CCDC83: variants seen among roughly 807,000 people sequenced by gnomAD.
CCDC83 encodes the protein coiled-coil domain containing 83.
A neutral mutation model predicts 50.1 loss-of-function variants in CCDC83; 54 were observed. The ratio of observed to expected loss-of-function variants is 1.08; its 90% CI spans 0.87 to 1.35. The LOEUF (loss-of-function observed/expected upper bound fraction) is 1.35, where lower values mean the gene tolerates loss of function less well. CCDC83 is among the 40% of genes most tolerant of loss of function. CCDC83 has a pLI of 0.00. For missense variants in CCDC83, 518 were observed against 473.9 expected (o/e 1.09, Z -0.86); for synonymous variants, 161 against 153.3 (o/e 1.05, Z -0.37).
chr11:85,901,043 C>T (rs553269430), intron 7 of CCDC83, among the ~76,000 whole-genome samples: 92 of 146,960 alleles, frequency 6.3e-4, no homozygotes, highest in Non-Finnish European at 1.1e-3. Flanking sequence ...CCAGCCTGGG[C>T]GACAGAGCGA....
chr11:85,855,937 A>G (rs1189226971), intron 1 of CCDC83, among the ~76,000 whole-genome samples: 1 of 152,160 alleles, frequency 6.6e-6, no homozygotes, highest in African/African-American at 2.4e-5. Flanking sequence ...TAGGTACTTC[A>G]TATGTGCTAA....
chr11:85,915,879 A>G (rs185825857), intron 9 of CCDC83, 149 bp from the exon 10 acceptor site: 1 of 623,684 alleles, frequency 1.6e-6, no homozygotes, highest in East Asian at 2.8e-5. Context: ...GTTTCTACAA[A>G]TGGGACTCCC....
intron 7 of CCDC83, among the ~76,000 whole-genome samples, chr11:85,906,890 AT>A (rs1279853197): frequency 4.7e-5 from 7 of 149,244 alleles, no homozygotes; most frequent in South Asian, 4.2e-4. Context: ...GTCTCAAAAA[AT>A]TAAATTAAAT....
intron 10 of CCDC83, among the ~76,000 whole-genome samples, chr11:85,918,950 A>C (rs1024650804): frequency 2.0e-5 from 3 of 152,228 alleles, no homozygotes; most frequent in African/African-American, 7.2e-5. Context: ...AGTTGCTTAC[A>C]TGACTCAGCT....
intron 5 of CCDC83, among the ~76,000 whole-genome samples, chr11:85,891,141 C>G (rs1404403676): frequency 6.6e-6 from 1 of 152,200 alleles, no homozygotes; most frequent in Non-Finnish European, 1.5e-5. Flanking sequence ...TACCTGTCCC[C>G]CTTCTCTTCT....
rs760678029 is a variant in CCDC83, at chr11:85,898,944, T to C, written c.604-3T>C. The C allele has an allele frequency of 4.4e-6, 7 of 1,607,034 alleles. No individual in the cohort carries two copies. The highest frequency in any genetic ancestry group is 6.0e-6 in the Non-Finnish European group (7 of 1,176,020). On this transcript the variant is annotated splice_region_variant and splice_polypyrimidine_tract_variant and intron_variant, in intron 6 of 10. Transcript: ENST00000342404. ...CTTCCTTAATCCAGAAACTTTCTTT[T>C]AGAATGCTGTAAAGCTCATTGACAA...
intron 2 of CCDC83, among the ~76,000 whole-genome samples, chr11:85,866,550 G>A (rs1228038372): frequency 6.6e-6 from 1 of 152,046 alleles, no homozygotes; most frequent in African/African-American, 2.4e-5. Flanking sequence ...CTATTTAGGA[G>A]GTGGAGACGG....
At chr11:85,882,907 C>G (rs2135036478) in intron 4 of CCDC83, among the ~76,000 whole-genome samples, 2 of 152,136 alleles carry the variant, frequency 1.3e-5, no homozygotes, top group Admixed American at 1.3e-4. Context: ...TGATCAGAAA[C>G]AGATGAAATT....
At chr11:85,860,513 G>A (rs1211104872) in intron 1 of CCDC83, among the ~76,000 whole-genome samples, 1 of 152,156 alleles carries the variant, frequency 6.6e-6, no homozygotes, top group East Asian at 1.9e-4. Context: ...GTGAGGTTTA[G>A]CAGAAAAGGG....
intron 3 of CCDC83, among the ~76,000 whole-genome samples, chr11:85,874,655 T>C (rs2093258914): frequency 6.6e-6 from 1 of 152,244 alleles, no homozygotes; most frequent in African/African-American, 2.4e-5. Flanking sequence ...TTTTCCACAG[T>C]GCAACCAAAT....
At chr11:85,870,575 G>A (rs1592142807) in intron 2 of CCDC83, among the ~76,000 whole-genome samples, 2 of 152,122 alleles carry the variant, frequency 1.3e-5, no homozygotes, top group South Asian at 2.1e-4. Flanking sequence ...GCCAAGTGTC[G>A]TGGTGCACAT....
intron 1 of CCDC83, among the ~76,000 whole-genome samples, chr11:85,857,416 T>C (rs949756547): frequency 2.0e-5 from 3 of 152,162 alleles, no homozygotes; most frequent in Admixed American, 6.5e-5. Context: ...GGAGTACCTG[T>C]GGTGCACCAA....
chr11:85,867,556 A>T (rs1389124142), intron 2 of CCDC83, among the ~76,000 whole-genome samples: 1 of 152,188 alleles, frequency 6.6e-6, no homozygotes, highest in Non-Finnish European at 1.5e-5. Flanking sequence ...AATAACATTA[A>T]CTAATAACTA....
intron 3 of CCDC83, among the ~76,000 whole-genome samples, chr11:85,879,919 T>G (rs2093290401): frequency 6.6e-6 from 1 of 152,190 alleles, no homozygotes; most frequent in African/African-American, 2.4e-5. Context: ...CCCTGCCTTG[T>G]GTGCGTCTGT....
At chr11:85,886,117 G>C in intron 4 of CCDC83, 83 bp from the exon 5 acceptor site, 1 of 1,070,710 alleles carries the variant, frequency 9.3e-7, no homozygotes, top group Non-Finnish European at 1.3e-6. Flanking sequence ...TTTAATATCA[G>C]ATCTTAACTT....
intron 1 of CCDC83, among the ~76,000 whole-genome samples, chr11:85,857,175 G>A (rs1023624389): frequency 5.9e-5 from 9 of 152,294 alleles, no homozygotes; most frequent in Non-Finnish European, 1.3e-4. Flanking sequence ...ACCAGATGCC[G>A]GGCCTGACGT....
intron 10 of CCDC83, 102 bp downstream of exon 10, chr11:85,916,335 T>G: frequency 1.1e-6 from 1 of 897,066 alleles, no homozygotes; most frequent in Non-Finnish European, 1.8e-6. Flanking sequence ...TATTGAAAAT[T>G]CCATTTGCAA....
chr11:85,877,571 A>G (rs958697176), intron 3 of CCDC83, among the ~76,000 whole-genome samples: 5 of 152,180 alleles, frequency 3.3e-5, no homozygotes, highest in Non-Finnish European at 7.3e-5. Flanking sequence ...GATCTAGGAG[A>G]TCTGGATTTA....
intron 3 of CCDC83, among the ~76,000 whole-genome samples, chr11:85,879,755 G>A (rs183746339): frequency 6.6e-6 from 1 of 152,232 alleles, no homozygotes; most frequent in East Asian, 1.9e-4. Context: ...CAGTAGCTGG[G>A]ATTACAAGCA....
Sources: allele counts gnomAD v4.1 joint callset (sites outside exome capture counted in the v4.1 genomes callset), GRCh38; gene constraint gnomAD v4.1.1; transcripts MANE v1.5; gene names NCBI Gene and HGNC (gene_info 2026-07-23, HGNC 2026-07-21).